TFPI: variants seen among roughly 807,000 people sequenced by gnomAD.
The protein encoded by TFPI is anti-convertin.
Under a neutral mutation model 34.6 loss-of-function variants are expected in TFPI, and 15 were observed. That is an observed-to-expected ratio of 0.43 (90% CI 0.29 to 0.67). TFPI has a LOEUF of 0.67. Among genes scored for constraint, TFPI ranks in the 30% least tolerant of loss-of-function variants. The pLI is 0.15. For synonymous variants in TFPI, 105 were observed against 120.1 expected (o/e 0.87, Z 0.82); for missense variants, 301 against 364.0 (o/e 0.83, Z 1.41).
chr2:187,481,099 T>C (rs1692823353), intron 6 of TFPI, among the ~76,000 whole-genome samples: 1 of 152,038 alleles, frequency 6.6e-6, no homozygotes, highest in African/African-American at 2.4e-5. Flanking sequence ...TAATTGAATT[T>C]TAGAATATTC....
intron 4 of TFPI, 69 bp downstream of exon 4, chr2:187,488,268 C>T (rs1447049423): frequency 1.5e-6 from 2 of 1,351,354 alleles, no homozygotes; most frequent in Non-Finnish European, 2.0e-6. Flanking sequence ...AACAAGCAAA[C>T]AAACAAAAAA....
intron 3 of TFPI, among the ~76,000 whole-genome samples, chr2:187,491,383 A>G (rs8176605): frequency 0.04 from 6,021 of 151,892 alleles, 176 homozygotes; most frequent in Admixed American, 0.091. Context: ...ATTGTCTATT[A>G]TTCTACTATG....
intron 6 of TFPI, among the ~76,000 whole-genome samples, chr2:187,471,938 T>G (rs568893710): frequency 1.2e-4 from 18 of 152,172 alleles, no homozygotes; most frequent in Non-Finnish European, 2.4e-4. Context: ...CTTCTAAGAC[T>G]TTTTAGGGAA....
intron 6 of TFPI, among the ~76,000 whole-genome samples, chr2:187,475,318 T>C (rs929100857): frequency 6.6e-6 from 1 of 152,170 alleles, no homozygotes; most frequent in Non-Finnish European, 1.5e-5. Context: ...ATAATTATGT[T>C]TGAATTTTCA....
At chr2:187,501,675 T>TTTC (rs1685861619) in intron 2 of TFPI, among the ~76,000 whole-genome samples, 1 of 152,082 alleles carries the variant, frequency 6.6e-6, no homozygotes, top group African/African-American at 2.4e-5. Context: ...CTCACAAAGG[T>TTTC]ACTAGGTGGC....
intron 1 of TFPI, among the ~76,000 whole-genome samples, chr2:187,505,245 G>T (rs953608778): frequency 9.2e-5 from 14 of 152,096 alleles, no homozygotes; most frequent in Non-Finnish European, 1.8e-4. Context: ...GCAGGCTGAG[G>T]TTGGGGGCCT....
At chr2:187,521,609 C>T (rs1408025749) in intron 1 of TFPI, among the ~76,000 whole-genome samples, 1 of 152,070 alleles carries the variant, frequency 6.6e-6, no homozygotes, top group Non-Finnish European at 1.5e-5. Flanking sequence ...CACTCTGTCA[C>T]CCATGGTAGA....
chr2:187,548,575 C>A (rs1688980377), intron 1 of TFPI, among the ~76,000 whole-genome samples: 1 of 152,026 alleles, frequency 6.6e-6, no homozygotes, highest in Non-Finnish European at 1.5e-5. Flanking sequence ...AGGTTTCCAG[C>A]ACCTATTAGG....
At chr2:187,508,679 G>C (rs980634863) in intron 1 of TFPI, among the ~76,000 whole-genome samples, 3 of 152,172 alleles carry the variant, frequency 2.0e-5, no homozygotes, top group African/African-American at 7.2e-5. Flanking sequence ...TTGCTTATCA[G>C]CTTAAGGAGA....
intron 1 of TFPI, chr2:187,527,141 A>G (rs1277290052): frequency 6.6e-6 from 1 of 152,232 alleles, no homozygotes; most frequent in Admixed American, 6.5e-5. Flanking sequence ...GAAAATGAAT[A>G]AAGAAAACAT....
At chr2:187,478,483 G>A (rs904844912) in intron 6 of TFPI, 32 of 744,618 alleles carry the variant, frequency 4.3e-5, no homozygotes, top group Middle Eastern at 4.4e-4. Flanking sequence ...AGTTAGGTCC[G>A]GTCAAAAGAC....
At chr2:187,467,975 G>A (rs1691807475) in intron 6 of TFPI, 43 bp from the exon 7 acceptor site, 1 of 1,472,990 alleles carries the variant, frequency 6.8e-7, no homozygotes, top group African/African-American at 1.4e-5. Flanking sequence ...ATGTGATAGT[G>A]GATTTCAGGT....
In TFPI at chr2:187,465,761, A is replaced by G. The variant is rs945703153; in HGVS notation, c.*1175T>C. On this transcript the variant is annotated 3_prime_UTR_variant, in exon 8 of 8. Transcript: ENST00000233156. The stretch of plus-strand genomic sequence containing the variant: ...GCTAGTCATGAAGCTAGTCATACCA[A>G]ATGAATGAAATGGTTGTTTCTAAAT... The G allele has an allele frequency of 2.0e-5, 3 of 152,122 alleles. No homozygotes were observed. The highest frequency in any genetic ancestry group is 4.4e-5 in the Non-Finnish European group (3 of 68,018). The allele number at this position is 152,122 out of a possible 1,614,324, so 9.4% of individuals were successfully genotyped here.
chr2:187,482,164 G>T (rs892946673), intron 6 of TFPI, among the ~76,000 whole-genome samples: 41 of 151,832 alleles, frequency 2.7e-4, no homozygotes, highest in African/African-American at 9.7e-4. Context: ...ATAAATGACT[G>T]CAGATCTCCA....
rs8176447 is a variant in TFPI at position 187,497,372 on chromosome 2, T to C, written c.122-294A>G. 3.6e-3 allele frequency among the ~76,000 whole-genome samples: 543 copies of C among 152,190 alleles called. 8 individuals are homozygous for C. Among genetic ancestry groups the C allele is most frequent in the African/African-American group, 0.012 (519 of 41,578 alleles). ...TTCATTCAAGTGGATGTGTCCACAA[T>C]AGACCTCTTTTAACTCAGCTAATGG... is the stretch of plus-strand genomic sequence containing the variant. On this transcript the variant is annotated intron_variant, in intron 2 of 7. Coordinates refer to ENST00000233156, the MANE Select transcript of TFPI (RefSeq NM_006287.6).
chr2:187,511,830 G>A (rs1356594255), intron 1 of TFPI, among the ~76,000 whole-genome samples: 2 of 151,850 alleles, frequency 1.3e-5, no homozygotes, highest in Non-Finnish European at 2.9e-5. Context: ...GAGAGAGAGA[G>A]ATAGAGGAAA....
intron 6 of TFPI, among the ~76,000 whole-genome samples, chr2:187,469,185 G>A (rs1053912732): frequency 6.6e-6 from 1 of 151,956 alleles, no homozygotes; most frequent in Non-Finnish European, 1.5e-5. Context: ...AGTAACTCAG[G>A]TAATAAAAAA....
At chr2:187,499,358 G>A (rs1024955527) in intron 2 of TFPI, 1 of 152,126 alleles carries the variant, frequency 6.6e-6, no homozygotes, top group African/African-American at 2.4e-5. Flanking sequence ...ATCGAAAAAT[G>A]TATGAACCAA....
intron 1 of TFPI, among the ~76,000 whole-genome samples, chr2:187,548,961 T>C (rs1688997099): frequency 6.6e-6 from 1 of 152,116 alleles, no homozygotes; most frequent in Admixed American, 6.6e-5. Context: ...ATTATTACAC[T>C]AAAAGGAAAG....
Sources: allele counts gnomAD v4.1 joint callset (sites outside exome capture counted in the v4.1 genomes callset), GRCh38; gene constraint gnomAD v4.1.1; transcripts MANE v1.5; gene names NCBI Gene and HGNC (gene_info 2026-07-23, HGNC 2026-07-21).